Variants in OR8J1 observed in about 807,000 individuals in gnomAD.
OR8J1 encodes olfactory receptor family 8 subfamily J member 1.
For missense variants in OR8J1, 400 were observed against 373.0 expected (o/e 1.07, Z -0.60); for synonymous variants, 157 against 144.3 (o/e 1.09, Z -0.63).
Position 56,360,278 on chromosome 11 carries a change from A to C in OR8J1, c.32A>C (p.Glu11Ala). The C allele has an allele frequency of 6.3e-7, 1 of 1,590,242 alleles. No homozygotes were observed. The highest frequency in any genetic ancestry group is 8.5e-7 in the Non-Finnish European group (1 of 1,172,166). The change falls in exon 2 of 2, where the codon GAG becomes GCG. Residue 11 changes from glutamate (E) to alanine (A), a missense_variant. Glu to Ala is a moderately radical substitution (Grantham distance 107). Coordinates refer to ENST00000533152, the MANE Select transcript of OR8J1 (RefSeq NM_001005205.3). MAPENFTRVTEFILTGVSSCP... is the reference protein window; with the variant it reads MAPENFTRVTAFILTGVSSCP... ...CCTGAAAATTTCACCAGAGTCACTG[A>C]GTTTATTCTTACAGGTGTCTCTAGC...
Position 56,360,940 on chromosome 11 carries a change from G to A in OR8J1, c.694G>A (p.Glu232Lys). Residue 232 changes from glutamate to lysine, a missense_variant, in exon 2 of 2, where the codon GAA (glutamate) becomes AAA (lysine). Coordinates refer to ENST00000533152, the MANE Select transcript of OR8J1 (RefSeq NM_001005205.3). The part of the protein sequence containing the change: ...VLSILKICSS[E>K]GRKKAFSTCA... ...GTCTATTTTAAAAATATGTTCATCA[G>A]AAGGAAGGAAAAAAGCCTTTTCTAC... The A allele has an allele frequency of 6.8e-7, 1 of 1,478,002 alleles. No individual in the cohort carries two copies. The highest frequency in any genetic ancestry group is 8.9e-7 in the Non-Finnish European group (1 of 1,117,534). 91.6% of individuals were successfully genotyped at this position (1,478,002 alleles called of 1,614,324 possible).
chr11:56,360,001 T>C (rs1049550383), intron 1 of OR8J1, among the ~76,000 whole-genome samples: 2 of 152,218 alleles, frequency 1.3e-5, no homozygotes. Context: ...AAATGTTTCA[T>C]GATGCTGGAT....
At position 56,361,067 on chromosome 11, in the gene OR8J1, T is replaced by C. The variant is rs1852632351; in HGVS notation, c.821T>C (p.Met274Thr). The change falls in exon 2 of 2, where the codon ATG (methionine) becomes ACG (threonine). Residue 274 changes from methionine to threonine, a missense_variant. Transcript: ENST00000533152. Reference protein sequence around the residue: ...SNHSLDTDDKMASVFYTLVIP... With the variant: ...SNHSLDTDDKTASVFYTLVIP... Reference sequence around the variant, plus strand: ...CATTCACTGGATACTGATGATAAGATGGCTTCTGTGTTTTACACGTTGGTA... The same window carrying C: ...CATTCACTGGATACTGATGATAAGACGGCTTCTGTGTTTTACACGTTGGTA... 1 of 1,515,120 alleles carries C rather than the reference T, an allele frequency of 6.6e-7. No individual in the cohort carries two copies. The highest frequency in any genetic ancestry group is 8.8e-7 in the Non-Finnish European group (1 of 1,139,852). The allele number at this position is 1,515,120 out of a possible 1,614,324, so 93.9% of individuals were successfully genotyped here.
intron 1 of OR8J1, among the ~76,000 whole-genome samples, 193 bp downstream of exon 1, chr11:56,354,518 TCAA>T (rs1854941924): frequency 6.6e-6 from 1 of 152,182 alleles, no homozygotes; most frequent in African/African-American, 2.4e-5. Context: ...TCAAATATGA[TCAA>T]GCTATTTATG....
intron 1 of OR8J1, 60 bp from the exon 2 acceptor site, chr11:56,360,167 A>ATAAG: frequency 8.9e-7 from 1 of 1,119,374 alleles, no homozygotes; most frequent in Non-Finnish European, 1.3e-6. Flanking sequence ...TCCTAGCCAT[A>ATAAG]TAAGGGCAGT....
In OR8J1 at chr11:56,360,753, C is replaced by T. The variant is rs143167357; in HGVS notation, c.507C>T (p.Cys169=). Residue 169 remains cysteine (C), a synonymous_variant, in exon 2 of 2, where the codon TGC becomes TGT. Transcript: ENST00000533152. ...CTTATGTATTCTCTGTGTCTTATTG[C>T]TCTTCTAATATAATCAATCATTTTT... The part of the protein sequence containing the change: ...VSSYVFSVSY[C]SSNIINHFYC... The T allele has an allele frequency of 1.7e-5, 28 of 1,600,428 alleles. No homozygotes were observed. The African/African-American group carries it at 3.5e-4, about 20-fold the overall frequency.
Position 56,360,971 on chromosome 11 carries a change from C to G in OR8J1, c.725C>G (p.Ala242Gly). The change falls in exon 2 of 2, where the codon GCT (alanine) becomes GGT (glycine). Residue 242 changes from alanine to glycine, a missense_variant. Ala to Gly is a moderately conservative substitution (Grantham distance 60). Transcript: ENST00000533152. Reference protein sequence around the residue: ...EGRKKAFSTCASHMMAVTIFY... With the variant: ...EGRKKAFSTCGSHMMAVTIFY... ...AGGAAAAAAGCCTTTTCTACCTGTG[C>G]TTCACATATGATGGCAGTCACAATT... is the stretch of plus-strand genomic sequence containing the variant. 6.8e-7 allele frequency: 1 copy of G among 1,477,482 alleles called. No homozygotes were observed. Among genetic ancestry groups the G allele is most frequent in the Non-Finnish European group, 8.9e-7 (1 of 1,118,264 alleles). 91.5% of individuals were successfully genotyped at this position (1,477,482 alleles called of 1,614,324 possible). A position where few individuals can be genotyped will look rare whatever the true frequency, so the allele number is the denominator to read the frequency against.
At chr11:56,357,755 C>A (rs1169490468) in intron 1 of OR8J1, 14 of 1,525,494 alleles carry the variant, frequency 9.2e-6, no homozygotes, top group South Asian at 1.1e-5. Context: ...CCTTTACCTG[C>A]TATTTGGGTG....
Position 56,361,050 on chromosome 11 carries a change from G to A in OR8J1, c.804G>A (p.Leu268=). The A allele has an allele frequency of 6.7e-7, 1 of 1,501,492 alleles. No homozygotes were observed. Among genetic ancestry groups the A allele is most frequent in the Non-Finnish European group, 8.8e-7 (1 of 1,133,962 alleles). The allele number at this position is 1,501,492 out of a possible 1,614,324, so 93.0% of individuals were successfully genotyped here. The part of the protein sequence containing the change: ...MYVQPRSNHS[L]DTDDKMASVF... ...TGCAGCCCCGAAGTAACCATTCACTGGATACTGATGATAAGATGGCTTCTG... is the reference window on the plus strand; with the variant it reads ...TGCAGCCCCGAAGTAACCATTCACTAGATACTGATGATAAGATGGCTTCTG... Residue 268 remains leucine (L), a synonymous_variant, in exon 2 of 2, where the codon CTG becomes CTA. Transcript: ENST00000533152.
At chr11:56,357,824 G>C in intron 1 of OR8J1, 1 of 1,036,122 alleles carries the variant, frequency 9.7e-7, no homozygotes, top group Non-Finnish European at 1.5e-6. Flanking sequence ...AGGAAGCTGC[G>C]GTTGGAGGCT....
chr11:56,356,476 G>A (rs1590856140), intron 1 of OR8J1, among the ~76,000 whole-genome samples: 1 of 152,160 alleles, frequency 6.6e-6, no homozygotes, highest in East Asian at 1.9e-4. Context: ...GTTTGCTAAG[G>A]GGGATAACAA....
At position 56,360,726 on chromosome 11, in the gene OR8J1, A is replaced by G; in HGVS notation, c.480A>G (p.Ser160=). Residue 160 remains serine (S), a synonymous_variant, in exon 2 of 2, where the codon TCA becomes TCG. Coordinates refer to ENST00000533152, the MANE Select transcript of OR8J1 (RefSeq NM_001005205.3). ...LYGFSTAIVV[S]SYVFSVSYCS... Reference sequence around the variant, plus strand: ...GCTTTTCTACAGCTATTGTGGTTTCATCTTATGTATTCTCTGTGTCTTATT... The same window carrying G: ...GCTTTTCTACAGCTATTGTGGTTTCGTCTTATGTATTCTCTGTGTCTTATT... 1.2e-6 allele frequency: 2 copies of G among 1,609,370 alleles called. No homozygotes were observed. The highest frequency in any genetic ancestry group is 8.5e-7 in the Non-Finnish European group (1 of 1,178,696).
chr11:56,361,099 A>C lies in OR8J1; in HGVS notation c.853A>C (p.Met285Leu). The change falls in exon 2 of 2, where the codon ATG (methionine) becomes CTG (leucine). Residue 285 changes from methionine (M) to leucine (L), a missense_variant. Coordinates refer to ENST00000533152, the MANE Select transcript of OR8J1 (RefSeq NM_001005205.3). ...TGTGTTTTACACGTTGGTAATTCCT[A>C]TGCTGAATCCCTTGATCTACAGCCT... ...ASVFYTLVIP[M>L]LNPLIYSLRN... is the part of the protein sequence containing the mutation. 6.6e-7 allele frequency: 1 copy of C among 1,513,080 alleles called. No homozygotes were observed. Among genetic ancestry groups the C allele is most frequent in the Non-Finnish European group, 8.8e-7 (1 of 1,138,734 alleles). The allele number at this position is 1,513,080 out of a possible 1,614,324, so 93.7% of individuals were successfully genotyped here.
Position 56,360,617 on chromosome 11 carries a change from T to C in OR8J1, c.371T>C (p.Val124Ala), listed in dbSNP as rs2134917441. 6.2e-7 allele frequency: 1 copy of C among 1,613,444 alleles called. No homozygotes were observed. Among genetic ancestry groups the C allele is most frequent in the Non-Finnish European group, 8.5e-7 (1 of 1,179,712 alleles). ...MLALMAYDRY[V>A]AICNPLLYMV... ...GCTTTGATGGCCTATGACCGCTATG[T>C]GGCTATTTGTAACCCTCTGCTGTAC... Residue 124 changes from valine to alanine, a missense_variant, in exon 2 of 2, where the codon GTG (valine) becomes GCG (alanine). Coordinates refer to ENST00000533152, the MANE Select transcript of OR8J1 (RefSeq NM_001005205.3).
intron 1 of OR8J1, among the ~76,000 whole-genome samples, chr11:56,355,098 G>T (rs894013787): frequency 4.6e-5 from 7 of 151,992 alleles, no homozygotes; most frequent in Admixed American, 2.6e-4. Context: ...TGCCTGGGTT[G>T]CTCTTAGTTC....
chr11:56,355,399 G>A (rs536196483), intron 1 of OR8J1, among the ~76,000 whole-genome samples: 1 of 152,056 alleles, frequency 6.6e-6, no homozygotes, highest in South Asian at 2.1e-4. Context: ...ACTTTGGGAG[G>A]CCGAGGCGGG....
At chr11:56,360,055 T>C (rs1285079308) in intron 1 of OR8J1, among the ~76,000 whole-genome samples, 172 bp from the exon 2 acceptor site, 1 of 152,214 alleles carries the variant, frequency 6.6e-6, no homozygotes, top group Non-Finnish European at 1.5e-5. Flanking sequence ...GATCTTTCTG[T>C]CTCTGAAATA....
At chr11:56,357,328 T>A in intron 1 of OR8J1, 1 of 597,214 alleles carries the variant, frequency 1.7e-6, no homozygotes, top group Non-Finnish European at 3.0e-6. Context: ...CAGGACGGAG[T>A]TTGTTAAAGT....
intron 1 of OR8J1, among the ~76,000 whole-genome samples, chr11:56,356,527 C>T (rs1399462853): frequency 2.0e-5 from 3 of 151,828 alleles, no homozygotes; most frequent in Admixed American, 2.0e-4. Context: ...AATTGGAAAC[C>T]CAGGGAAGGC....
Sources: gnomAD v4.1 joint callset for allele counts (sites outside exome capture counted in the v4.1 genomes callset) on GRCh38, gnomAD v4.1.1 for gene constraint, MANE v1.5 for transcripts, NCBI Gene and HGNC (gene_info 2026-07-23, HGNC 2026-07-21) for gene names.